LRRN4: variants seen among roughly 807,000 people sequenced by gnomAD.
The protein encoded by LRRN4 is leucine rich repeat neuronal 4.
LRRN4 carries 26 observed loss-of-function variants against 22.3 expected under a neutral mutation model. The ratio of observed to expected loss-of-function variants is 1.16; its 90% CI spans 0.85 to 1.62. The LOEUF is 1.62. LRRN4 is among the 40% of genes most tolerant of loss of function. LRRN4 has a pLI of 0.00. For missense variants in LRRN4, 1,070 were observed against 1,008.5 expected, an observed-to-expected ratio of 1.06 and a Z score of -0.83; for synonymous variants, 496 against 486.2, an observed-to-expected ratio of 1.02 and a Z score of -0.26.
At chr20:6,044,469 G>T in intron 4 of LRRN4, 74 bp downstream of exon 4, 1 of 1,320,928 alleles carries the variant, frequency 7.6e-7, no homozygotes, top group Non-Finnish European at 9.8e-7. Context: ...ACATGAGCAA[G>T]ATGTAAGCTG....
At chr20:6,047,683 C>T (rs956557959) in intron 3 of LRRN4, among the ~76,000 whole-genome samples, 8 of 150,322 alleles carry the variant, frequency 5.3e-5, no homozygotes, top group African/African-American at 1.7e-4. Flanking sequence ...CCCAACTACT[C>T]GGGAGGCTGA....
At chr20:6,047,417 G>GACACAC (rs151015009) in intron 3 of LRRN4, among the ~76,000 whole-genome samples, 1 of 134,836 alleles carries the variant, frequency 7.4e-6, no homozygotes, top group African/African-American at 3.0e-5. Flanking sequence ...TAAAGAAGCA[G>GACACAC]ACACACATAC....
chr20:6,049,275 T>A (rs557478522), intron 3 of LRRN4, among the ~76,000 whole-genome samples: 18 of 152,344 alleles, frequency 1.2e-4, no homozygotes, highest in Non-Finnish European at 2.5e-4. Flanking sequence ...ACCTGTCTTA[T>A]AACACAGCAC....
At position 6,042,131 on chromosome 20, in the gene LRRN4, C is replaced by T. The variant is rs761193242; in HGVS notation, c.1114G>A (p.Ala372Thr). The T allele has an allele frequency of 5.0e-6, 8 of 1,614,010 alleles. No homozygotes were observed. Among genetic ancestry groups the T allele is most frequent in the Non-Finnish European group, 6.8e-6 (8 of 1,180,010 alleles). Residue 372 changes from alanine (A) to threonine (T), a missense_variant, in exon 5 of 5, where the codon GCT (alanine) becomes ACT (threonine). Transcript: ENST00000378858. ...CQSDQSTTLG[A>T]SHPPCFNRST... is the part of the protein sequence containing the mutation. ...CGGTTGAAGCAAGGTGGGTGTGAAG[C>T]CCCGAGAGTGGTGCTTTGGTCGGAC...
chr20:6,042,115 C>T lies in LRRN4; in HGVS notation c.1130G>A (p.Cys377Tyr). The T allele has an allele frequency of 1.2e-6, 2 of 1,614,156 alleles. No individual in the cohort carries two copies. The highest frequency in any genetic ancestry group is 1.1e-5 in the South Asian group (1 of 91,090). Residue 377 changes from cysteine (C) to tyrosine (Y), a missense_variant, in exon 5 of 5, where the codon TGC becomes TAC. Physicochemically the swap from Cys to Tyr is radical, Grantham distance 194. Transcript: ENST00000378858. ...CTGTGCGTAGGTGGAGCGGTTGAAG[C>T]AAGGTGGGTGTGAAGCCCCGAGAGT... ...STTLGASHPP[C>Y]FNRSTYAQGT...
chr20:6,041,796 C>G lies in LRRN4; in HGVS notation c.1449G>C (p.Leu483=). ...GGTCCCACGAGGTAGGGAAGGGGCCCAGGAGCTTGCTGGCCAGTGGGGTGG... is the reference window on the plus strand; with the variant it reads ...GGTCCCACGAGGTAGGGAAGGGGCCGAGGAGCTTGCTGGCCAGTGGGGTGG... ...AASTPLASKL[L]GPFPTSWDRS... Residue 483 remains leucine, a synonymous_variant, in exon 5 of 5, where the codon CTG becomes CTC. Coordinates refer to ENST00000378858, the MANE Select transcript of LRRN4 (RefSeq NM_152611.5). The surrounding 1 kb of genome is among the most constrained non-coding windows in gnomAD (Gnocchi z 9.4). 1 of 1,614,136 alleles carries G rather than the reference C, an allele frequency of 6.2e-7. No individual in the cohort carries two copies. Among genetic ancestry groups the G allele is most frequent in the Non-Finnish European group, 8.5e-7 (1 of 1,180,004 alleles).
At chr20:6,048,518 C>A (rs1981163238) in intron 3 of LRRN4, among the ~76,000 whole-genome samples, 1 of 152,226 alleles carries the variant, frequency 6.6e-6, no homozygotes, top group South Asian at 2.1e-4. Context: ...CTGCTATTTA[C>A]TAGCTATGTG....
intron 3 of LRRN4, among the ~76,000 whole-genome samples, chr20:6,049,293 G>A (rs112799382): frequency 0.012 from 1,882 of 152,310 alleles, 37 homozygotes; most frequent in African/African-American, 0.039. Flanking sequence ...CACATGGCGT[G>A]TGTCTCTGCT....
Position 6,042,088 on chromosome 20 carries a change from C to A in LRRN4, c.1157G>T (p.Gly386Val), listed in dbSNP as rs1032064781. The change falls in exon 5 of 5, where the codon GGT (glycine) becomes GTT (valine). Residue 386 changes from glycine (G) to valine (V), a missense_variant. Transcript: ENST00000378858. ...PCFNRSTYAQ[G>V]TTVAPSAAPA... ...GGCTGCGCTGGGCGCGACGGTGGTACCCTGTGCGTAGGTGGAGCGGTTGAA... is the reference window on the plus strand; with the variant it reads ...GGCTGCGCTGGGCGCGACGGTGGTAACCTGTGCGTAGGTGGAGCGGTTGAA... 1 of 1,613,966 alleles carries A rather than the reference C, an allele frequency of 6.2e-7. No individual in the cohort carries two copies. The highest frequency in any genetic ancestry group is 1.3e-5 in the African/African-American group (1 of 74,920).
intron 4 of LRRN4, among the ~76,000 whole-genome samples, chr20:6,043,568 G>A (rs959399457): frequency 6.6e-6 from 1 of 152,098 alleles, no homozygotes; most frequent in African/African-American, 2.4e-5. Flanking sequence ...GGGTTGGGGG[G>A]CAGACTGAGC....
At chr20:6,050,349 T>A (rs1055118110) in intron 3 of LRRN4, among the ~76,000 whole-genome samples, 1 of 152,232 alleles carries the variant, frequency 6.6e-6, no homozygotes, top group African/African-American at 2.4e-5. Flanking sequence ...GGCCTGCCCA[T>A]AGACTTCCAA....
chr20:6,052,227 G>A lies in LRRN4; in HGVS notation c.573C>T (p.Ala191=), dbSNP rs1392228480. The part of the protein sequence containing the change: ...ALGRGAQGGI[A]EAAFAGEDGA... ...CATCCTCTCCAGCGAACGCCGCCTC[G>A]GCGATGCCCCCCTGGGCTCCGCGAC... The change falls in exon 2 of 5, where the codon GCC becomes GCT. Residue 191 remains alanine (A), a synonymous_variant. Coordinates refer to ENST00000378858, the MANE Select transcript of LRRN4 (RefSeq NM_152611.5). 1 of 1,579,010 alleles carries A rather than the reference G, an allele frequency of 6.3e-7. No homozygotes were observed. Among genetic ancestry groups the A allele is most frequent in the Non-Finnish European group, 8.6e-7 (1 of 1,163,294 alleles).
At chr20:6,043,463 T>C (rs1438148198) in intron 4 of LRRN4, among the ~76,000 whole-genome samples, 1 of 152,078 alleles carries the variant, frequency 6.6e-6, no homozygotes, top group Non-Finnish European at 1.5e-5. Flanking sequence ...CTGGACTCTC[T>C]GGCTCCAGAG....
intron 4 of LRRN4, among the ~76,000 whole-genome samples, chr20:6,042,507 T>C (rs919224528): frequency 1.3e-5 from 2 of 152,052 alleles, no homozygotes; most frequent in African/African-American, 2.4e-5. Context: ...CAAGACACCA[T>C]AGCTAGCAAT....
At chr20:6,042,614 A>C (rs937831977) in intron 4 of LRRN4, among the ~76,000 whole-genome samples, 14 of 152,140 alleles carry the variant, frequency 9.2e-5, no homozygotes, top group African/African-American at 3.4e-4. Context: ...CTGGCAAGAA[A>C]GCACTAGTAA....
intron 3 of LRRN4, among the ~76,000 whole-genome samples, chr20:6,045,362 T>G (rs1248770804): frequency 6.7e-6 from 1 of 148,346 alleles, no homozygotes; most frequent in Admixed American, 6.8e-5. Flanking sequence ...CACTTGAGCC[T>G]GGGAGGCAGA....
intron 3 of LRRN4, among the ~76,000 whole-genome samples, chr20:6,049,095 G>A (rs1237553091): frequency 6.6e-6 from 1 of 152,178 alleles, no homozygotes; most frequent in Non-Finnish European, 1.5e-5. Context: ...AGAGGGATGA[G>A]AGGAAGTGGT....
Position 6,042,162 on chromosome 20 carries a change from C to T in LRRN4, c.1083G>A (p.Val361=), listed in dbSNP as rs757298264. 1.2e-6 allele frequency: 2 copies of T among 1,614,166 alleles called. No homozygotes were observed. Residue 361 remains valine (V), a synonymous_variant, in exon 5 of 5, where the codon GTG becomes GTA. Coordinates refer to ENST00000378858, the MANE Select transcript of LRRN4 (RefSeq NM_152611.5). ...GAGTGGTGCTTTGGTCGGACTGGCA[C>T]ACTCCGGGCAGCTGGGAGAGTGACA... is the stretch of plus-strand genomic sequence containing the variant. The part of the protein sequence containing the change: ...ASLSLSQLPG[V]CQSDQSTTLG...
At chr20:6,051,755 C>T (rs6053856) in intron 2 of LRRN4, among the ~76,000 whole-genome samples, 14,438 of 152,188 alleles carry the variant, frequency 0.095, 2,271 homozygotes, top group African/African-American at 0.32. Context: ...CCAAAGCATG[C>T]ACTCACTTCC....
Sources: allele counts gnomAD v4.1 joint callset (sites outside exome capture counted in the v4.1 genomes callset), GRCh38; gene constraint gnomAD v4.1.1; non-coding constraint Gnocchi (gnomAD v3.1); transcripts MANE v1.5; gene names NCBI Gene and HGNC (gene_info 2026-07-23, HGNC 2026-07-21).